Variants in EYS observed in about 807,000 individuals in gnomAD.
EYS encodes the protein protein eyes shut homolog.
Under a neutral mutation model 282.1 loss-of-function variants are expected in EYS, and 250 were observed. That is an observed-to-expected ratio of 0.89 (90% CI 0.80 to 0.98). The LOEUF is 0.98. Among genes scored for constraint, EYS ranks in the 50% least tolerant of loss-of-function variants. The probability of loss-of-function intolerance (pLI) is 0.00; values close to 1 mark genes in which losing one functional copy is unlikely to be tolerated. For synonymous variants in EYS, 1,355 were observed against 1,282.9 expected, an observed-to-expected ratio of 1.06 and a Z score of -1.20; for missense variants, 4,016 against 3,709.0, an observed-to-expected ratio of 1.08 and a Z score of -2.15.
At chr6:64,306,766 T>A (rs958864178) in intron 30 of EYS, among the ~76,000 whole-genome samples, 4 of 152,300 alleles carry the variant, frequency 2.6e-5, no homozygotes, top group Non-Finnish European at 5.9e-5. Flanking sequence ...AAGATACCCT[T>A]TATAAGTAAT....
In EYS at chr6:63,774,202, C is replaced by G. The variant is rs540111319; in HGVS notation, c.7898+3804G>C. Among the ~76,000 whole-genome samples the G allele has an allele frequency of 4.6e-5, 7 of 151,394 alleles. No homozygotes were observed. The East Asian group carries it at 1.4e-3, about 29-fold the overall frequency. Reference sequence around the variant, plus strand: ...TTTTTTTTTCAGATGGAGTTCCCCTCTTGTCATCCAGGCTGGAGTGCAGTG... The same window carrying G: ...TTTTTTTTTCAGATGGAGTTCCCCTGTTGTCATCCAGGCTGGAGTGCAGTG... On this transcript the variant is annotated intron_variant, in intron 40 of 42. Coordinates refer to ENST00000503581, the MANE Select transcript of EYS (RefSeq NM_001142800.2).
chr6:65,182,220 A>T (rs988869276), intron 12 of EYS, among the ~76,000 whole-genome samples: 2 of 151,076 alleles, frequency 1.3e-5, no homozygotes, highest in Non-Finnish European at 3.0e-5. Context: ...AATATATATA[A>T]TAATAAAATA....
chr6:64,757,738 T>TG (rs1583121788), intron 22 of EYS, among the ~76,000 whole-genome samples: 2 of 103,026 alleles, frequency 1.9e-5, no homozygotes, highest in Non-Finnish European at 4.5e-5. Context: ...TTTTTTCTTT[T>TG]TTTCTTTGTG....
intron 1 of EYS, among the ~76,000 whole-genome samples, chr6:65,692,432 G>T (rs1273934587): frequency 6.7e-6 from 1 of 149,950 alleles, no homozygotes; most frequent in African/African-American, 2.4e-5. Flanking sequence ...AGCAGAATAT[G>T]AAAAAATTGA....
rs573579763 is a variant in EYS at position 63,931,351 on chromosome 6, T to C, written c.7055+53032A>G. Among the ~76,000 whole-genome samples, 9 of 152,334 alleles carry C rather than the reference T, an allele frequency of 5.9e-5. No homozygotes were observed. In the South Asian group the frequency reaches 1.7e-3, roughly 28 times the overall value. ...CTGCATCATCCATCGTTGCTACCTA[T>C]AGCTTCTTCCTCAAGGTCCTTCCCT... is the stretch of plus-strand genomic sequence containing the variant. On this transcript the variant is annotated intron_variant, in intron 35 of 42. Transcript: ENST00000503581.
rs113394698 is a variant in EYS, at chr6:65,421,035, T to C, written c.863-15668A>G. 3.6e-3 allele frequency among the ~76,000 whole-genome samples: 540 copies of C among 151,952 alleles called. 2 individuals carry two copies. Among genetic ancestry groups the C allele is most frequent in the Middle Eastern group, 0.01 (3 of 294 alleles). ...CTTAAGGAACCTAGGATTTTTGGAA[T>C]GGAAGATGAGCATTGGCTTCAACTA... On this transcript the variant is annotated intron_variant, in intron 5 of 42. Coordinates refer to ENST00000503581, the MANE Select transcript of EYS (RefSeq NM_001142800.2).
chr6:64,670,402 AAAAT>A (rs60435635), intron 22 of EYS, among the ~76,000 whole-genome samples: 3,416 of 145,488 alleles, frequency 0.023, 48 homozygotes, highest in African/African-American at 0.037. Flanking sequence ...GAAGTGGCCC[AAAAT>A]AAATAAATAA....
chr6:64,808,751 C>A (rs1376660923), intron 22 of EYS, among the ~76,000 whole-genome samples: 1 of 152,022 alleles, frequency 6.6e-6, no homozygotes, highest in African/African-American at 2.4e-5. Flanking sequence ...TTAGTTACTG[C>A]ATCAGCAAGA....
At chr6:63,962,782 A>C (rs983840430) in intron 35 of EYS, among the ~76,000 whole-genome samples, 1 of 151,744 alleles carries the variant, frequency 6.6e-6, no homozygotes, top group African/African-American at 2.4e-5. Flanking sequence ...GGATTATAAA[A>C]CATGCTGCTA....
intron 30 of EYS, among the ~76,000 whole-genome samples, chr6:64,292,842 A>G (rs1252877769): frequency 6.6e-6 from 1 of 152,140 alleles, no homozygotes; most frequent in Admixed American, 6.5e-5. Flanking sequence ...GATTTAAAAA[A>G]TATACATCAA....
intron 35 of EYS, among the ~76,000 whole-genome samples, chr6:63,970,558 C>A (rs1160008671): frequency 2.0e-5 from 3 of 151,700 alleles, no homozygotes; most frequent in Non-Finnish European, 4.4e-5. Flanking sequence ...TGGCATGAAC[C>A]CGGGAGGTGG....
At chr6:65,254,104 A>G (rs1433793869) in intron 12 of EYS, among the ~76,000 whole-genome samples, 1 of 151,874 alleles carries the variant, frequency 6.6e-6, no homozygotes. Context: ...CCGAGATAAC[A>G]TAGCATTTAT....
chr6:64,149,350 C>T (rs1774625237), intron 31 of EYS, among the ~76,000 whole-genome samples: 1 of 152,208 alleles, frequency 6.6e-6, no homozygotes, highest in South Asian at 2.1e-4. Flanking sequence ...TGCAAGTCCT[C>T]CCACATATCC....
At chr6:65,224,784 T>C (rs147006831) in intron 12 of EYS, among the ~76,000 whole-genome samples, 2 of 152,254 alleles carry the variant, frequency 1.3e-5, no homozygotes, top group East Asian at 3.9e-4. Context: ...AAGGAATACT[T>C]AGTTCTATGC....
rs1409480033 is a variant in EYS at position 63,721,398 on chromosome 6, G to C, written c.8633C>G (p.Ala2878Gly). 21 of 1,551,552 alleles carry C rather than the reference G, an allele frequency of 1.4e-5. No homozygotes were observed. The East Asian group carries it at 1.5e-4, about 11-fold the overall frequency. ...ATTTCTGCATGTGTTGTACCCACAG[G>C]CTGTCCCATCACAGTCACCTACATT... ...GSNVGDCDGT[A>G]CGYNTCRNGG... Residue 2878 changes from alanine to glycine, a missense_variant, in exon 43 of 43, where the codon GCC (alanine) becomes GGC (glycine). Coordinates refer to ENST00000503581, the MANE Select transcript of EYS (RefSeq NM_001142800.2).
chr6:65,624,918 G>T (rs895730785), intron 2 of EYS, among the ~76,000 whole-genome samples: 1 of 152,144 alleles, frequency 6.6e-6, no homozygotes, highest in African/African-American at 2.4e-5. Flanking sequence ...ACTGTGGGAC[G>T]TCACCTTGTG....
At chr6:64,531,450 G>A (rs141702628) in intron 26 of EYS, among the ~76,000 whole-genome samples, 1,690 of 150,450 alleles carry the variant, frequency 0.011, 19 homozygotes, top group Non-Finnish European at 0.017. Flanking sequence ...GCAGTGGCGT[G>A]ATCTCGGCTC....
Position 64,692,030 on chromosome 6 carries a change from T to TG in EYS, c.3444-65786dup, listed in dbSNP as rs566908998. Among the ~76,000 whole-genome samples, 337 of 152,316 alleles carry TG rather than the reference T, an allele frequency of 2.2e-3. 2 individuals are homozygous for TG. Among genetic ancestry groups the TG allele is most frequent in the African/African-American group, 7.6e-3 (318 of 41,584 alleles). ...GATATATACCCAGTAATGAGATTGC[T>TG]GGATTGTATGGTAGCTCTACTTGAT... is the stretch of plus-strand genomic sequence containing the variant. On this transcript the variant is annotated intron_variant, in intron 22 of 42. Coordinates refer to ENST00000503581, the MANE Select transcript of EYS (RefSeq NM_001142800.2).
intron 6 of EYS, 127 bp downstream of exon 6, chr6:65,405,047 C>A: frequency 1.5e-6 from 1 of 667,438 alleles, no homozygotes. Context: ...GTAGACCGTT[C>A]TTGTTCGTCT....
Sources: allele counts gnomAD v4.1 joint callset (sites outside exome capture counted in the v4.1 genomes callset), GRCh38; gene constraint gnomAD v4.1.1; transcripts MANE v1.5; gene names NCBI Gene and HGNC (gene_info 2026-07-23, HGNC 2026-07-21).